MAMLD1: variants seen among roughly 807,000 people sequenced by gnomAD.
The protein encoded by MAMLD1 is mastermind like domain containing 1.
A neutral mutation model predicts 45.0 loss-of-function variants in MAMLD1; 14 were observed. That is an observed-to-expected ratio of 0.31 (90% CI 0.21 to 0.49). The LOEUF (loss-of-function observed/expected upper bound fraction) is 0.49, where lower values mean the gene tolerates loss of function less well. Among genes scored for constraint, MAMLD1 ranks in the 20% least tolerant of loss-of-function variants. The pLI, the probability that MAMLD1 is intolerant of heterozygous loss-of-function variation, is 0.99. For synonymous variants in MAMLD1, 254 were observed against 247.8 expected (o/e 1.02, Z -0.24); for missense variants, 543 against 603.6 (o/e 0.90, Z 1.05).
rs782687187 is a variant in MAMLD1, at chrX:150,389,319, T to A, written c.-64+25789T>A. On this transcript the variant is annotated intron_variant, in intron 1 of 7. Coordinates refer to ENST00000370401, the MANE Select transcript of MAMLD1 (RefSeq NM_005491.5). The stretch of plus-strand genomic sequence containing the variant: ...ACCCTGGCCTCCCGAAGTGCTAGGA[T>A]TACAGGCGTGAACCACTGTACCCGG... Among the ~76,000 whole-genome samples, 10 of 112,098 alleles carry A rather than the reference T, an allele frequency of 8.9e-5. No homozygotes were observed. In the East Asian group the frequency reaches 2.8e-3, roughly 31 times the overall value.
intron 2 of MAMLD1, among the ~76,000 whole-genome samples, chrX:150,454,660 G>A (rs2124617353): frequency 9.0e-6 from 1 of 111,208 alleles, no homozygotes; most frequent in South Asian, 3.8e-4. Flanking sequence ...TGACAGAGTG[G>A]TACAACAAGA....
intron 1 of MAMLD1, among the ~76,000 whole-genome samples, chrX:150,368,129 T>C (rs782798335): frequency 5.4e-5 from 6 of 111,847 alleles, no homozygotes; most frequent in East Asian, 2.8e-4. Context: ...CTTGAGGAAT[T>C]GCCACACTGT....
chrX:150,443,458 G>T (rs2035387075), intron 1 of MAMLD1, among the ~76,000 whole-genome samples: 3 of 104,371 alleles, frequency 2.9e-5, no homozygotes, highest in South Asian at 4.3e-4. Context: ...TGCACAATGT[G>T]CAGGTTAGTT....
At chrX:150,395,761 A>G (rs1207648976) in intron 1 of MAMLD1, among the ~76,000 whole-genome samples, 2 of 110,508 alleles carry the variant, frequency 1.8e-5, no homozygotes, top group African/African-American at 6.6e-5. Context: ...TTGAATGTCC[A>G]TGGGGTCTGT....
In MAMLD1 at chrX:150,514,167, G is replaced by A; in HGVS notation, c.*2208G>A. 5.5e-6 allele frequency: 1 copy of A among 181,576 alleles called. No homozygotes were observed. The allele number at this position is 181,576 out of a possible 1,213,427, so 15.0% of individuals were successfully genotyped here. ...TCTTCGTTCTGTAATAAACAGCCAG[G>A]AGAAAAGTGCCTCTATGTTTTTATT... On this transcript the variant is annotated 3_prime_UTR_variant, in exon 8 of 8. Transcript: ENST00000370401.
intron 2 of MAMLD1, 84 bp downstream of exon 2, chrX:150,445,696 C>T: frequency 1.4e-5 from 10 of 734,142 alleles, no homozygotes; most frequent in Non-Finnish European, 2.1e-5. Flanking sequence ...TTGAAATTTT[C>T]TGTGCAAACT....
At chrX:150,469,598 TA>T in intron 3 of MAMLD1, 146 bp from the exon 4 acceptor site, 1 of 474,593 alleles carries the variant, frequency 2.1e-6, no homozygotes, top group Non-Finnish European at 3.5e-6. Flanking sequence ...CAAACCTTTA[TA>T]AAAATTCCTC....
intron 1 of MAMLD1, among the ~76,000 whole-genome samples, chrX:150,367,707 T>C (rs1459204677): frequency 8.1e-5 from 8 of 98,553 alleles, no homozygotes; most frequent in African/African-American, 1.1e-4. Flanking sequence ...TGTCCCTCCC[T>C]CCTCCCCCCA....
intron 2 of MAMLD1, among the ~76,000 whole-genome samples, chrX:150,461,910 T>C (rs1483196431): frequency 8.9e-6 from 1 of 112,110 alleles, no homozygotes; most frequent in African/African-American, 3.2e-5. Flanking sequence ...GTGCACTAGA[T>C]GAACCAGACT....
rs1557409366 is a variant in MAMLD1 at position 150,513,747 on chromosome X, C to T, written c.*1788C>T. 2 of 295,378 alleles carry T rather than the reference C, an allele frequency of 6.8e-6. No individual in the cohort carries two copies. The highest frequency in any genetic ancestry group is 8.8e-4 in the Middle Eastern group (1 of 1,134). The allele number at this position is 295,378 out of a possible 1,213,427, so 24.3% of individuals were successfully genotyped here. On this transcript the variant is annotated 3_prime_UTR_variant, in exon 8 of 8. Coordinates refer to ENST00000370401, the MANE Select transcript of MAMLD1 (RefSeq NM_005491.5). ...AGAGGCGCAGAGACAGTGTGTGAGCCGAGCCCTGTCTCAGCAATCCACCTG... is the reference window on the plus strand; with the variant it reads ...AGAGGCGCAGAGACAGTGTGTGAGCTGAGCCCTGTCTCAGCAATCCACCTG...
chrX:150,362,155 G>A (rs782713368), upstream of MAMLD1, among the ~76,000 whole-genome samples: 1 of 112,134 alleles, frequency 8.9e-6, no homozygotes, highest in Admixed American at 9.3e-5. Context: ...GTCAGGGCGC[G>A]AGCTGGTGAG....
intron 1 of MAMLD1, among the ~76,000 whole-genome samples, chrX:150,426,284 C>T (rs1173807910): frequency 2.7e-5 from 3 of 112,311 alleles, no homozygotes; most frequent in Non-Finnish European, 3.8e-5. Flanking sequence ...TAATTGCAGC[C>T]AGAAGTGGTC....
chrX:150,459,496 A>G (rs1557405502), intron 2 of MAMLD1, among the ~76,000 whole-genome samples: 1 of 108,774 alleles, frequency 9.2e-6, no homozygotes, highest in Non-Finnish European at 1.9e-5. Flanking sequence ...CTTCTGCTTG[A>G]GGACAGGGCT....
In MAMLD1 at chrX:150,469,830, C is replaced by A; in HGVS notation, c.257C>A (p.Pro86His). ...DGGYPNKIKR[P>H]CLEDVTLAMG... Reference sequence around the variant, plus strand: ...GGCTACCCTAATAAAATTAAGAGGCCTTGCCTTGAAGATGTCACCCTTGCA... The same window carrying A: ...GGCTACCCTAATAAAATTAAGAGGCATTGCCTTGAAGATGTCACCCTTGCA... The change falls in exon 4 of 8, where the codon CCT becomes CAT. Residue 86 changes from proline (P) to histidine (H), a missense_variant. Transcript: ENST00000370401. 1 of 1,211,535 alleles carries A rather than the reference C, an allele frequency of 8.3e-7. No homozygotes were observed. The highest frequency in any genetic ancestry group is 1.1e-6 in the Non-Finnish European group (1 of 895,392).
At chrX:150,452,871 C>T (rs782745310) in intron 2 of MAMLD1, among the ~76,000 whole-genome samples, 12 of 107,000 alleles carry the variant, frequency 1.1e-4, no homozygotes, top group South Asian at 4.3e-4. Context: ...TTTGTTCTTG[C>T]GATAGTTTAC....
chrX:150,401,623 A>T (rs1557402441), intron 1 of MAMLD1, among the ~76,000 whole-genome samples: 1 of 111,320 alleles, frequency 9.0e-6, no homozygotes, highest in Admixed American at 9.5e-5. Context: ...GTCAATCCTA[A>T]GCCAAAAGAA....
intron 1 of MAMLD1, among the ~76,000 whole-genome samples, chrX:150,395,015 A>G (rs1557402247): frequency 2.7e-5 from 3 of 112,025 alleles, no homozygotes; most frequent in South Asian, 3.7e-4. Flanking sequence ...CTTGTTCCCA[A>G]TCTTAGTAGG....
intron 1 of MAMLD1, among the ~76,000 whole-genome samples, chrX:150,399,272 T>C (rs141545357): frequency 3.3e-4 from 37 of 111,295 alleles, no homozygotes; most frequent in African/African-American, 1.1e-3. Flanking sequence ...AATTAACAGA[T>C]GGCTATTACT....
At chrX:150,433,223 G>A (rs2035012384) in intron 1 of MAMLD1, among the ~76,000 whole-genome samples, 1 of 111,584 alleles carries the variant, frequency 9.0e-6, no homozygotes, top group African/African-American at 3.3e-5. Context: ...GGATGTTGTT[G>A]GTGTATAGGA....
Sources: allele counts gnomAD v4.1 joint callset (sites outside exome capture counted in the v4.1 genomes callset), GRCh38; gene constraint gnomAD v4.1.1; transcripts MANE v1.5; gene names NCBI Gene and HGNC (gene_info 2026-07-23, HGNC 2026-07-21).